The following LMBRD1 variants were observed in gnomAD, a reference collection of about 807,000 sequenced individuals.
LMBRD1 encodes the protein lysosomal cobalamin transport escort protein LMBD1.
LMBRD1 carries 64 observed loss-of-function variants against 74.8 expected under a neutral mutation model. The observed-to-expected ratio is 0.86, with a 90% CI of 0.70 to 1.05. The LOEUF (loss-of-function observed/expected upper bound fraction) is 1.05, where lower values mean the gene tolerates loss of function less well. LMBRD1 is among the 50% of genes least tolerant of loss of function. LMBRD1 has a pLI of 0.00. For missense variants in LMBRD1, 652 were observed against 645.9 expected (o/e 1.01, Z -0.10); for synonymous variants, 204 against 216.3 (o/e 0.94, Z 0.50).
At chr6:69,791,906 T>C (rs936050156) in intron 1 of LMBRD1, among the ~76,000 whole-genome samples, 1 of 152,220 alleles carries the variant, frequency 6.6e-6, no homozygotes, top group Admixed American at 6.5e-5. Context: ...TGGACCAAGC[T>C]GGTTAAGACC....
intron 7 of LMBRD1, among the ~76,000 whole-genome samples, chr6:69,730,632 A>G (rs1358827132): frequency 6.6e-6 from 1 of 152,178 alleles, no homozygotes; most frequent in Non-Finnish European, 1.5e-5. Flanking sequence ...AATTACATGC[A>G]TTCTTGGTAC....
chr6:69,786,417 A>G (rs556063951), intron 2 of LMBRD1, among the ~76,000 whole-genome samples: 2 of 152,128 alleles, frequency 1.3e-5, no homozygotes, highest in Non-Finnish European at 2.9e-5. Flanking sequence ...ATACCTTAAT[A>G]TTAACTAATT....
At chr6:69,683,088 A>G (rs1270286307) in intron 14 of LMBRD1, among the ~76,000 whole-genome samples, 1 of 152,018 alleles carries the variant, frequency 6.6e-6, no homozygotes, top group Non-Finnish European at 1.5e-5. Flanking sequence ...ACTTCTATCA[A>G]CACAACCGCA....
At position 69,792,724 on chromosome 6, in the gene LMBRD1, G is replaced by A. The variant is rs1490429045; in HGVS notation, c.70-2252C>T. The stretch of plus-strand genomic sequence containing the variant: ...ATTCATTCTGAAGTCTTTGAAAGCT[G>A]AGTCTCATCTTTATATCCTCAGCAG... On this transcript the variant is annotated intron_variant, in intron 1 of 15. Transcript: ENST00000649934. 2.0e-5 allele frequency among the ~76,000 whole-genome samples: 3 copies of A among 152,182 alleles called. 1 individual carries two copies. Among genetic ancestry groups the A allele is most frequent in the Non-Finnish European group, 4.4e-5 (3 of 68,040 alleles).
rs1765500504 is a variant in LMBRD1 at position 69,674,204 on chromosome 6, C to T, written c.*1954G>A. Among the ~76,000 whole-genome samples, 1 of 152,130 alleles carries T rather than the reference C, an allele frequency of 6.6e-6. No homozygotes were observed. Among genetic ancestry groups the T allele is most frequent in the South Asian group, 2.1e-4 (1 of 4,832 alleles). On this transcript the variant is annotated 3_prime_UTR_variant, in exon 16 of 16. Coordinates refer to ENST00000649934, the MANE Select transcript of LMBRD1 (RefSeq NM_018368.4). The stretch of plus-strand genomic sequence containing the variant: ...GTCTCTCCCCCTTCTTATAAGAACA[C>T]CAGTCATATTGGATTTGGGCTTCAC...
At chr6:69,726,664 G>T (rs987327724) in intron 7 of LMBRD1, among the ~76,000 whole-genome samples, 15 of 151,826 alleles carry the variant, frequency 9.9e-5, no homozygotes, top group African/African-American at 3.6e-4. Context: ...TTATTTGTAG[G>T]ATCTAAAAAT....
At chr6:69,773,190 T>C (rs7749324) in intron 3 of LMBRD1, among the ~76,000 whole-genome samples, 72,922 of 151,808 alleles carry the variant, frequency 0.48, 18,200 homozygotes, top group African/African-American at 0.61. Flanking sequence ...CAAGGGTGAC[T>C]GCTCATGTGT....
At chr6:69,785,257 C>T (rs908732537) in intron 2 of LMBRD1, among the ~76,000 whole-genome samples, 1 of 152,186 alleles carries the variant, frequency 6.6e-6, no homozygotes, top group Non-Finnish European at 1.5e-5. Context: ...ACCTTCTACA[C>T]GATAGAGAAC....
At chr6:69,688,255 G>C (rs911973868) in intron 14 of LMBRD1, among the ~76,000 whole-genome samples, 1 of 151,974 alleles carries the variant, frequency 6.6e-6, no homozygotes, top group Non-Finnish European at 1.5e-5. Flanking sequence ...ACTTTAATTG[G>C]ATAAATCCAA....
At chr6:69,716,644 T>C (rs1019470750) in intron 8 of LMBRD1, among the ~76,000 whole-genome samples, 2 of 152,056 alleles carry the variant, frequency 1.3e-5, no homozygotes, top group South Asian at 2.1e-4. Flanking sequence ...AAGCTACATA[T>C]AGATTTATAA....
At chr6:69,741,046 T>G (rs1390481071) in intron 6 of LMBRD1, among the ~76,000 whole-genome samples, 1 of 152,092 alleles carries the variant, frequency 6.6e-6, no homozygotes, top group Non-Finnish European at 1.5e-5. Context: ...AACCTCTAAT[T>G]TACATTTTAT....
intron 8 of LMBRD1, among the ~76,000 whole-genome samples, 166 bp from the exon 9 acceptor site, chr6:69,713,963 T>A (rs1236095054): frequency 2.6e-5 from 4 of 152,034 alleles, no homozygotes; most frequent in African/African-American, 9.7e-5. Context: ...AAACATAGGA[T>A]AACCAAGGTC....
intron 1 of LMBRD1, among the ~76,000 whole-genome samples, chr6:69,796,274 A>C (rs1384905086): frequency 6.6e-6 from 1 of 151,998 alleles, no homozygotes; most frequent in East Asian, 1.9e-4. Flanking sequence ...GACACCTGGA[A>C]GTCAGAACGA....
chr6:69,749,359 G>A lies in LMBRD1; in HGVS notation c.455C>T (p.Ala152Val). 6.2e-7 allele frequency: 1 copy of A among 1,608,558 alleles called. No individual in the cohort carries two copies. Among genetic ancestry groups the A allele is most frequent in the Non-Finnish European group, 8.5e-7 (1 of 1,178,000 alleles). The change falls in exon 5 of 16, where the codon GCA becomes GTA. Residue 152 changes from alanine (A) to valine (V), a missense_variant. By Grantham distance (64) the Ala-to-Val change is moderately conservative. Transcript: ENST00000649934. ...KYTLGFVVIC[A>V]LLLLVGAFVP... is the part of the protein sequence containing the mutation. ...GACTTACCCAACTAAAAGAAGCAGT[G>A]CACAAATCACAACAAATCCCAAAGT... is the stretch of plus-strand genomic sequence containing the variant.
chr6:69,770,306 G>A (rs1313210318), intron 3 of LMBRD1, among the ~76,000 whole-genome samples: 1 of 152,176 alleles, frequency 6.6e-6, no homozygotes, highest in Non-Finnish European at 1.5e-5. Flanking sequence ...AACCAAGCTG[G>A]AAGTTGGGGG....
intron 5 of LMBRD1, among the ~76,000 whole-genome samples, chr6:69,748,779 ATAT>A (rs1436919011): frequency 6.6e-6 from 1 of 152,114 alleles, no homozygotes; most frequent in Non-Finnish European, 1.5e-5. Flanking sequence ...AATCTTACTG[ATAT>A]TAGTATAAAA....
chr6:69,740,224 T>C (rs993019161), intron 6 of LMBRD1, among the ~76,000 whole-genome samples: 3 of 152,164 alleles, frequency 2.0e-5, no homozygotes, highest in Non-Finnish European at 4.4e-5. Context: ...TGGGTAACTG[T>C]TTTGGACTTA....
At chr6:69,677,459 T>C (rs956817228) in intron 14 of LMBRD1, among the ~76,000 whole-genome samples, 1 of 152,074 alleles carries the variant, frequency 6.6e-6, no homozygotes, top group Non-Finnish European at 1.5e-5. Flanking sequence ...TTCTATGACA[T>C]GGTTGGGGGA....
intron 3 of LMBRD1, among the ~76,000 whole-genome samples, chr6:69,758,130 A>G (rs1023347422): frequency 6.6e-6 from 1 of 152,188 alleles, no homozygotes. Context: ...ACGTATCATT[A>G]AATTATAACT....
Sources: allele counts gnomAD v4.1 joint callset (sites outside exome capture counted in the v4.1 genomes callset), GRCh38; gene constraint gnomAD v4.1.1; transcripts MANE v1.5; gene names NCBI Gene and HGNC (gene_info 2026-07-23, HGNC 2026-07-21).